The following KCNQ1 variants were observed in gnomAD, a reference collection of about 807,000 sequenced individuals.
KCNQ1 encodes potassium voltage-gated channel subfamily Q member 1, also known as potassium voltage-gated channel subfamily KQT member 1.
Under a neutral mutation model 72.4 loss-of-function variants are expected in KCNQ1, and 49 were observed. That is an observed-to-expected ratio of 0.68 (90% confidence interval 0.54 to 0.86). KCNQ1 has a LOEUF of 0.86. KCNQ1 is among the 40% of genes least tolerant of loss of function. The pLI is 0.00. For synonymous variants in KCNQ1, 450 were observed against 412.6 expected, an observed-to-expected ratio of 1.09 and a Z score of -1.10; for missense variants, 790 against 945.1, an observed-to-expected ratio of 0.84 and a Z score of 2.15.
intron 11 of KCNQ1, among the ~76,000 whole-genome samples, chr11:2,709,625 G>A (rs541744905): frequency 1.8e-4 from 27 of 152,050 alleles, no homozygotes; most frequent in African/African-American, 5.1e-4. Flanking sequence ...TTCTTTAGCC[G>A]TCACTCCCCA....
At chr11:2,761,204 G>A (rs1177864048) in intron 11 of KCNQ1, among the ~76,000 whole-genome samples, 1 of 151,992 alleles carries the variant, frequency 6.6e-6, no homozygotes, top group Non-Finnish European at 1.5e-5. Context: ...AGCAGCCTGG[G>A]CTCTCCTGCG....
intron 15 of KCNQ1, among the ~76,000 whole-genome samples, chr11:2,801,029 G>C (rs1590098004): frequency 1.3e-5 from 2 of 152,152 alleles, no homozygotes; most frequent in African/African-American, 4.8e-5. Context: ...TGCCAGAGCT[G>C]GTGACAGAAG....
chr11:2,456,935 T>A (rs1422742744), intron 1 of KCNQ1, among the ~76,000 whole-genome samples: 8 of 94,158 alleles, frequency 8.5e-5, no homozygotes, highest in African/African-American at 2.7e-4. Context: ...CAAGACTCGG[T>A]CTCAAAAAAA....
chr11:2,506,982 A>C (rs907562698), intron 1 of KCNQ1, among the ~76,000 whole-genome samples: 1 of 152,028 alleles, frequency 6.6e-6, no homozygotes, highest in Non-Finnish European at 1.5e-5. Flanking sequence ...GACTAATGTG[A>C]ATTGTTTTCC....
In KCNQ1 at chr11:2,520,793, C is replaced by CT. The variant is rs374894643; in HGVS notation, c.387-7125dup. Among the ~76,000 whole-genome samples the CT allele has an allele frequency of 3.2e-3, 477 of 149,640 alleles. 3 individuals carry two copies. Among genetic ancestry groups the CT allele is most frequent in the African/African-American group, 0.01 (425 of 40,890 alleles). On this transcript the variant is annotated intron_variant, in intron 1 of 15. Transcript: ENST00000155840. Reference sequence around the variant, plus strand: ...AGGCATTTGGAGTCTCCCAGGATGACTTTTTTTTTTAAGCCCCTAGAAGTG... The same window carrying CT: ...AGGCATTTGGAGTCTCCCAGGATGACTTTTTTTTTTTAAGCCCCTAGAAGTG...
rs1352716698 is a variant in KCNQ1 at position 2,484,279 on chromosome 11, T to G, written c.386+38795T>G. Among the ~76,000 whole-genome samples, 1 of 152,156 alleles carries G rather than the reference T, an allele frequency of 6.6e-6. No individual in the cohort carries two copies. Among genetic ancestry groups the G allele is most frequent in the African/African-American group, 2.4e-5 (1 of 41,428 alleles). On this transcript the variant is annotated intron_variant, in intron 1 of 15. Coordinates refer to ENST00000155840, the MANE Select transcript of KCNQ1 (RefSeq NM_000218.3). The surrounding 1 kb of genome is among the most constrained non-coding windows in gnomAD (Gnocchi z 5.2). ...CCGGGGTTCAAGTGATTCTCCTGCCTCAGCCTCCTGAGTAGCTGGGATTAC... is the reference window on the plus strand; with the variant it reads ...CCGGGGTTCAAGTGATTCTCCTGCCGCAGCCTCCTGAGTAGCTGGGATTAC...
chr11:2,742,223 G>C (rs1846066195), intron 11 of KCNQ1, among the ~76,000 whole-genome samples: 1 of 152,256 alleles, frequency 6.6e-6, no homozygotes, highest in Non-Finnish European at 1.5e-5. Flanking sequence ...GTACCACCAT[G>C]ATTTGAGACC....
chr11:2,498,496 C>T lies in KCNQ1; in HGVS notation c.387-29432C>T, dbSNP rs1260360242. 4.6e-5 allele frequency among the ~76,000 whole-genome samples: 7 copies of T among 152,148 alleles called. No homozygotes were observed. The highest frequency in any genetic ancestry group is 1.9e-4 in the East Asian group (1 of 5,192). On this transcript the variant is annotated intron_variant, in intron 1 of 15. Coordinates refer to ENST00000155840, the MANE Select transcript of KCNQ1 (RefSeq NM_000218.3). The surrounding 1 kb of genome is among the most constrained non-coding windows in gnomAD (Gnocchi z 4.8). ...CTCCTTAGCACTATCAGGGGAAAAC[C>T]GCCTACTAAAGCCTCAGTAATACCA...
intron 1 of KCNQ1, among the ~76,000 whole-genome samples, chr11:2,503,750 T>C (rs1847054538): frequency 6.6e-6 from 1 of 152,102 alleles, no homozygotes; most frequent in African/African-American, 2.4e-5. Flanking sequence ...TCACTGATCA[T>C]CAGAGAAATG....
chr11:2,635,611 AGCGTGAT>A, intron 10 of KCNQ1: 1 of 152,326 alleles, frequency 6.6e-6, no homozygotes, highest in East Asian at 1.9e-4. Context: ...GAAGTCAGGT[AGCGTGAT>A]GCCTCCAGCT....
chr11:2,751,772 A>C (rs944892019), intron 11 of KCNQ1, among the ~76,000 whole-genome samples: 1 of 152,254 alleles, frequency 6.6e-6, no homozygotes, highest in Non-Finnish European at 1.5e-5. Flanking sequence ...ACTGGTCCCC[A>C]TAGCCAAGGT....
intron 11 of KCNQ1, among the ~76,000 whole-genome samples, chr11:2,763,899 C>T (rs1057254173): frequency 1.3e-5 from 2 of 151,620 alleles, no homozygotes; most frequent in South Asian, 2.1e-4. Flanking sequence ...TTAAAACCGG[C>T]GTTCTTGTTA....
At chr11:2,628,612 C>T in intron 10 of KCNQ1, 1 of 398,282 alleles carries the variant, frequency 2.5e-6, no homozygotes, top group Admixed American at 4.4e-5. Flanking sequence ...TTTGTTGTTT[C>T]CTTTGTTGTG....
chr11:2,662,549 G>A, intron 11 of KCNQ1: 3 of 427,230 alleles, frequency 7.0e-6, no homozygotes, highest in Non-Finnish European at 1.2e-5. Flanking sequence ...CCTTCCAGTT[G>A]GCCTTCCCCT....
chr11:2,535,222 G>A (rs1847710085), intron 2 of KCNQ1, among the ~76,000 whole-genome samples: 1 of 152,192 alleles, frequency 6.6e-6, no homozygotes, highest in South Asian at 2.1e-4. Context: ...CAGGCTTTGG[G>A]CGGGTAAGGG....
At chr11:2,793,134 G>A (rs1847063951) in intron 15 of KCNQ1, among the ~76,000 whole-genome samples, 1 of 152,206 alleles carries the variant, frequency 6.6e-6, no homozygotes, top group South Asian at 2.1e-4. Context: ...ATCCTCGCTG[G>A]GCTACAAATG....
At chr11:2,731,939 G>C (rs1845864794) in intron 11 of KCNQ1, among the ~76,000 whole-genome samples, 1 of 152,232 alleles carries the variant, frequency 6.6e-6, no homozygotes, top group African/African-American at 2.4e-5. Flanking sequence ...GTCTCCTGCA[G>C]AGAGGAGAGG....
intron 6 of KCNQ1, among the ~76,000 whole-genome samples, 154 bp from the exon 7 acceptor site, chr11:2,583,281 C>T (rs1589965099): frequency 6.6e-6 from 1 of 152,280 alleles, no homozygotes; most frequent in South Asian, 2.1e-4. Context: ...CGGCTCTGTT[C>T]CTGGTGCTTT....
intron 10 of KCNQ1, chr11:2,655,491 A>G (rs1018941666): frequency 2.5e-6 from 1 of 398,650 alleles, no homozygotes; most frequent in Non-Finnish European, 4.4e-6. Context: ...GAGCCTGGAT[A>G]TCCAGATGAA....
Sources: allele counts gnomAD v4.1 joint callset (sites outside exome capture counted in the v4.1 genomes callset), GRCh38; gene constraint gnomAD v4.1.1; non-coding constraint Gnocchi (gnomAD v3.1); transcripts MANE v1.5; gene names NCBI Gene and HGNC (gene_info 2026-07-23, HGNC 2026-07-21).